CD5: variants seen among roughly 807,000 people sequenced by gnomAD.
The protein encoded by CD5 is T-cell surface glycoprotein CD5.
A neutral mutation model predicts 60.3 loss-of-function variants in CD5; 36 were observed. That is an observed-to-expected ratio of 0.60 (90% CI 0.46 to 0.79). The LOEUF (loss-of-function observed/expected upper bound fraction) is 0.79. Ranked by LOEUF, CD5 falls within the 30% of genes least tolerant of loss-of-function variation. CD5 has a pLI of 0.00. For missense variants in CD5, 540 were observed against 630.6 expected, an observed-to-expected ratio of 0.86 and a Z score of 1.54; for synonymous variants, 230 against 257.6, an observed-to-expected ratio of 0.89 and a Z score of 1.03.
At chr11:61,096,934 G>T in the CD5 span, among the ~76,000 whole-genome samples, 10 of 152,150 alleles carry the variant, frequency 6.6e-5, no homozygotes, top group African/African-American at 2.2e-4. Flanking sequence ...CCTCTCAGGC[G>T]CTTGACAGCC....
At position 61,119,095 on chromosome 11, in the gene CD5, G is replaced by A. The variant is rs149222240; in HGVS notation, c.463+118G>A. 2.8e-5 allele frequency: 33 copies of A among 1,165,658 alleles called. No homozygotes were observed. In the Middle Eastern group the frequency reaches 6.0e-4, roughly 21 times the overall value. The allele number at this position is 1,165,658 out of a possible 1,614,324, so 72.2% of individuals were successfully genotyped here. A position where few individuals can be genotyped will look rare whatever the true frequency, so the allele number is the denominator to read the frequency against. Reference sequence around the variant, plus strand: ...AATGTTTAGTATTGGTGTGTTCTACGCAATATTTGGGACCCCATCACCTCC... The same window carrying A: ...AATGTTTAGTATTGGTGTGTTCTACACAATATTTGGGACCCCATCACCTCC... On this transcript the variant is annotated intron_variant, in intron 4 of 10. Coordinates refer to ENST00000347785, the MANE Select transcript of CD5 (RefSeq NM_014207.4).
chr11:61,117,240 G>C (rs939656429), intron 2 of CD5, among the ~76,000 whole-genome samples: 1 of 152,174 alleles, frequency 6.6e-6, no homozygotes, highest in African/African-American at 2.4e-5. Flanking sequence ...AATCCATGCT[G>C]TATGAGTCCA....
At chr11:61,100,779 A>C (rs1448724573), upstream of CD5, among the ~76,000 whole-genome samples, 50 of 87,902 alleles carry the variant, frequency 5.7e-4, no homozygotes, top group East Asian at 1.2e-3. Flanking sequence ...GGAGATCACA[A>C]ACACACATCA....
upstream of CD5, among the ~76,000 whole-genome samples, chr11:61,100,190 A>G (rs539006921): frequency 6.8e-5 from 10 of 147,554 alleles, no homozygotes; most frequent in African/African-American, 2.2e-4. Context: ...ATCAACATGG[A>G]GATCACACAC....
chr11:61,122,294 G>T (rs1234755617), intron 6 of CD5, among the ~76,000 whole-genome samples: 1,143 of 72,192 alleles, frequency 0.016, 19 homozygotes, highest in African/African-American at 0.059. Context: ...ATGGATTGGT[G>T]GGTGGGTGGG....
Position 61,118,630 on chromosome 11 carries a change from G to A in CD5, c.400+150G>A. On this transcript the variant is annotated intron_variant, in intron 3 of 10. Transcript: ENST00000347785. The surrounding 1 kb of genome is among the most constrained non-coding windows in gnomAD (Gnocchi z 4.7). ...ACCACTCCCCAAGACACATACCCAG[G>A]AGGGGGACTGGAAGGGGCCAGCACC... 2.6e-6 allele frequency: 2 copies of A among 759,096 alleles called. No homozygotes were observed. 47.0% of individuals were successfully genotyped at this position (759,096 alleles called of 1,614,324 possible). A position where few individuals can be genotyped will look rare whatever the true frequency, so the allele number is the denominator to read the frequency against.
At chr11:61,121,250 A>C (rs1861054889) in intron 5 of CD5, among the ~76,000 whole-genome samples, 1 of 152,156 alleles carries the variant, frequency 6.6e-6, no homozygotes, top group South Asian at 2.1e-4. Flanking sequence ...TTTCCAAGTG[A>C]GAAGTGGACC....
chr11:61,097,406 A>G, the CD5 span, among the ~76,000 whole-genome samples: 2 of 152,204 alleles, frequency 1.3e-5, no homozygotes, highest in Non-Finnish European at 2.9e-5. Context: ...GTTGTCTGGG[A>G]CAGAAACTGT....
At position 61,118,073 on chromosome 11, in the gene CD5, G is replaced by GC. The variant is rs1285174198; in HGVS notation, c.95-101dup. On this transcript the variant is annotated intron_variant, in intron 2 of 10. Coordinates refer to ENST00000347785, the MANE Select transcript of CD5 (RefSeq NM_014207.4). The surrounding 1 kb of genome is among the most constrained non-coding windows in gnomAD (Gnocchi z 4.7). ...AGGGGCAAGGCAGGCAGCCCACGGG[G>GC]CAGGAGGGAGCTCAACTGGGCGTCC... The GC allele has an allele frequency of 4.0e-6, 5 of 1,243,332 alleles. No individual in the cohort carries two copies. The Admixed American group carries it at 9.4e-5, about 23-fold the overall frequency. The allele number at this position is 1,243,332 out of a possible 1,614,324, so 77.0% of individuals were successfully genotyped here.
chr11:61,119,563 C>G lies in CD5; in HGVS notation c.793C>G (p.Leu265Val), dbSNP rs200152277. The change falls in exon 5 of 11, where the codon CTC (leucine) becomes GTC (valine). Residue 265 changes from leucine to valine, a missense_variant. Coordinates refer to ENST00000347785, the MANE Select transcript of CD5 (RefSeq NM_014207.4). ...CCAGAAAAGTGGCCGAGTTCTTGCC[C>G]TCCTTTGCTCAGGTAAGTGAGACCT... ...KPQKSGRVLA[L>V]LCSGFQPKVQ... 107 of 1,608,850 alleles carry G rather than the reference C, an allele frequency of 6.7e-5. No homozygotes were observed. The East Asian group carries it at 2.2e-3, about 33-fold the overall frequency.
upstream of CD5, among the ~76,000 whole-genome samples, chr11:61,097,801 T>C (rs1184622341): frequency 6.6e-6 from 1 of 152,166 alleles, no homozygotes; most frequent in Non-Finnish European, 1.5e-5. Context: ...CAAGACGGCT[T>C]GTGGGGATAC....
upstream of CD5, chr11:61,102,476 CCTCT>C (rs1860707682): frequency 1.0e-6 from 1 of 964,298 alleles, no homozygotes; most frequent in Non-Finnish European, 1.6e-6. Flanking sequence ...CCGCCCTCTC[CCTCT>C]CTGAGAGCGA....
upstream of CD5, among the ~76,000 whole-genome samples, chr11:61,100,075 T>TCACACACATCAACATGGAGATCA (rs1860642247): frequency 1.3e-4 from 4 of 30,812 alleles, no homozygotes; most frequent in Non-Finnish European, 2.5e-4. Context: ...TGGAGATCAC[T>TCACACACATCAACATGGAGATCA]CACACACATC....
chr11:61,114,944 G>C, intron 1 of CD5, 112 bp from the exon 2 acceptor site: 3 of 949,894 alleles, frequency 3.2e-6, no homozygotes, highest in South Asian at 3.3e-5. Context: ...ACCCATGATA[G>C]TGGATAGGGG....
In CD5 at chr11:61,118,374, C is replaced by G. The variant is rs770601505; in HGVS notation, c.294C>G (p.Thr98=). Residue 98 remains threonine, a synonymous_variant, in exon 3 of 11, where the codon ACC becomes ACG. Coordinates refer to ENST00000347785, the MANE Select transcript of CD5 (RefSeq NM_014207.4). The surrounding 1 kb of genome is among the most constrained non-coding windows in gnomAD (Gnocchi z 4.7). ...TAAGCCTTGGCCCCTTCCTTGTCAC[C>G]TACACACCTCAGAGCTCAATCATCT... ...VPLSLGPFLV[T]YTPQSSIICY... is the part of the protein sequence containing the mutation. The G allele has an allele frequency of 6.8e-6, 11 of 1,614,122 alleles. 1 individual carries two copies. In the South Asian group the frequency reaches 1.1e-4, roughly 16 times the overall value.
In CD5 at chr11:61,118,944, AG is replaced by A; in HGVS notation, c.432del (p.Arg144SerfsTer67). On this transcript the variant is annotated frameshift_variant, in exon 4 of 11. Coordinates refer to ENST00000347785, the MANE Select transcript of CD5 (RefSeq NM_014207.4). LOFTEE classifies it high-confidence loss of function. This position sits in a 1 kb window ranked among gnomAD's most constrained non-coding sequence, Gnocchi z 4.7. ...CCAGAAGACAACACCTCCAACGACA[AG>A]GCCCCCGCCCACCACAACTCCAGAG... ...EPQKTTPPTT[R>X]PPPTTTPEPT... The A allele has an allele frequency of 6.2e-7, 1 of 1,613,826 alleles. No homozygotes were observed. Among genetic ancestry groups the A allele is most frequent in the South Asian group, 1.1e-5 (1 of 91,056 alleles).
rs373497792 is a variant in CD5 at position 61,121,805 on chromosome 11, G to A, written c.1000G>A (p.Asp334Asn). 1.2e-6 allele frequency: 2 copies of A among 1,609,682 alleles called. No individual in the cohort carries two copies. Among genetic ancestry groups the A allele is most frequent in the Non-Finnish European group, 1.7e-6 (2 of 1,176,868 alleles). Residue 334 changes from aspartate (D) to asparagine (N), a missense_variant, in exon 6 of 11, where the codon GAC becomes AAC. Asp to Asn is a conservative substitution (Grantham distance 23). Coordinates refer to ENST00000347785, the MANE Select transcript of CD5 (RefSeq NM_014207.4). ...CTCCTATCGAGTGCTGGACGCTGGT[G>A]ACCCAACATCCCGGGGGCTCTTCTG... ...VNSYRVLDAG[D>N]PTSRGLFCPH...
chr11:61,124,587 C>G (rs1861118732), intron 8 of CD5, among the ~76,000 whole-genome samples: 1 of 152,142 alleles, frequency 6.6e-6, no homozygotes, highest in Non-Finnish European at 1.5e-5. Context: ...TTCCTGCCTC[C>G]CATTCTGCCT....
chr11:61,102,811 C>T (rs1334987817), intron 1 of CD5, among the ~76,000 whole-genome samples, 196 bp downstream of exon 1: 3 of 152,228 alleles, frequency 2.0e-5, no homozygotes, highest in Admixed American at 6.5e-5. Context: ...ATGTCCCACC[C>T]GCCAGGAGCA....
Sources: allele counts gnomAD v4.1 joint callset (sites outside exome capture counted in the v4.1 genomes callset), GRCh38; gene constraint gnomAD v4.1.1; non-coding constraint Gnocchi (gnomAD v3.1); transcripts MANE v1.5; gene names NCBI Gene and HGNC (gene_info 2026-07-23, HGNC 2026-07-21).